Variants in TRANK1 observed in about 807,000 individuals in gnomAD.
TRANK1 encodes the protein TPR and ankyrin repeat-containing protein 1.
In TRANK1, 198 loss-of-function variants were observed where a neutral mutation model predicts 266.0. The observed-to-expected ratio is 0.74, with a 90% CI of 0.66 to 0.84. TRANK1 has a LOEUF of 0.84. TRANK1 is among the 40% of genes least tolerant of loss of function. The probability of loss-of-function intolerance (pLI) is 0.00; values close to 1 mark genes in which losing one functional copy is unlikely to be tolerated. For missense variants in TRANK1, 3,326 were observed against 3,634.6 expected (o/e 0.92, Z 2.18); for synonymous variants, 1,396 against 1,384.1 (o/e 1.01, Z -0.19).
At position 36,857,949 on chromosome 3, in the gene TRANK1, C is replaced by T. The variant is rs552221370; in HGVS notation, c.1773G>A (p.Gly591=). ...YLNPNVQDSN[G]NTLMHILFQK... is the part of the protein sequence containing the mutation. ...GGAAGAGGATGTGCATCAGCGTGTT[C>T]CCATTGCTGTCCTGGACATTGGGGT... The change falls in exon 13 of 24, where the codon GGG becomes GGA. Residue 591 remains glycine, a synonymous_variant. Coordinates refer to ENST00000645898, the MANE Select transcript of TRANK1 (RefSeq NM_001329998.2). This position sits in a 1 kb window ranked among gnomAD's most constrained non-coding sequence, Gnocchi z 4.3. The T allele has an allele frequency of 1.9e-6, 3 of 1,602,510 alleles. No individual in the cohort carries two copies. The East Asian group carries it at 6.7e-5, about 36-fold the overall frequency.
At chr3:36,830,179 G>A (rs943743347) in intron 22 of TRANK1, among the ~76,000 whole-genome samples, 10 of 152,250 alleles carry the variant, frequency 6.6e-5, no homozygotes, top group African/African-American at 1.9e-4. Context: ...GCTGTGCATG[G>A]TGATAGTCAC....
At chr3:36,867,422 A>C (rs1458221452) in intron 9 of TRANK1, among the ~76,000 whole-genome samples, 2 of 152,280 alleles carry the variant, frequency 1.3e-5, no homozygotes, top group Non-Finnish European at 2.9e-5. Context: ...TACATGGTTC[A>C]GACTTGTTAA....
intron 3 of TRANK1, among the ~76,000 whole-genome samples, chr3:36,899,796 T>C (rs1282317919): frequency 6.6e-6 from 1 of 152,216 alleles, no homozygotes; most frequent in Non-Finnish European, 1.5e-5. Flanking sequence ...GCATCTAACA[T>C]ATGACACAGA....
chr3:36,931,609 G>A (rs900888728), intron 1 of TRANK1, among the ~76,000 whole-genome samples: 5 of 152,170 alleles, frequency 3.3e-5, no homozygotes, highest in Non-Finnish European at 5.9e-5. Context: ...AGAGGCTGAG[G>A]CAGAAGGATC....
chr3:36,857,499 C>T lies in TRANK1; in HGVS notation c.2223G>A (p.Gln741=). 1 of 1,614,000 alleles carries T rather than the reference C, an allele frequency of 6.2e-7. No individual in the cohort carries two copies. Among genetic ancestry groups the T allele is most frequent in the African/African-American group, 1.3e-5 (1 of 75,064 alleles). Residue 741 remains glutamine, a synonymous_variant, in exon 13 of 24, where the codon CAG becomes CAA. Coordinates refer to ENST00000645898, the MANE Select transcript of TRANK1 (RefSeq NM_001329998.2). The surrounding 1 kb of genome is among the most constrained non-coding windows in gnomAD (Gnocchi z 4.3). The part of the protein sequence containing the change: ...CLMQDITVLI[Q]QVEVDPSFPE... Reference sequence around the variant, plus strand: ...GGAAAGACGGATCCACTTCAACCTGCTGAATCAAAACTGTGATGTCCTGCA... The same window carrying T: ...GGAAAGACGGATCCACTTCAACCTGTTGAATCAAAACTGTGATGTCCTGCA...
In TRANK1 at chr3:36,856,460, A is replaced by G; in HGVS notation, c.3262T>C (p.Tyr1088His). 6.2e-7 allele frequency: 1 copy of G among 1,613,926 alleles called. No individual in the cohort carries two copies. Among genetic ancestry groups the G allele is most frequent in the South Asian group, 1.1e-5 (1 of 91,082 alleles). Residue 1088 changes from tyrosine (Y) to histidine (H), a missense_variant, in exon 13 of 24, where the codon TAC becomes CAC. By Grantham distance (83) the Tyr-to-His change is moderately conservative (BLOSUM62 2). Transcript: ENST00000645898. ...SGTGKTTCCL[Y>H]RLWKKFHVYW... ...ACGTGGAATTTCTTCCACAATCTGT[A>G]CAAGCAGCAGGTTGTCTTCCCAGTG...
intron 21 of TRANK1, chr3:36,834,523 C>G (rs1372182644): frequency 2.2e-6 from 1 of 451,316 alleles, no homozygotes; most frequent in Non-Finnish European, 3.9e-6. Flanking sequence ...ATAACATACT[C>G]CCATCCCCCT....
chr3:36,937,076 G>A (rs977525508), intron 1 of TRANK1, among the ~76,000 whole-genome samples: 2 of 152,204 alleles, frequency 1.3e-5, no homozygotes, highest in African/African-American at 2.4e-5. Context: ...CAGCCTGGGT[G>A]ACAGAGCTAG....
Position 36,858,909 on chromosome 3 carries a change from A to T in TRANK1, c.1496-15T>A. 6.5e-6 allele frequency: 10 copies of T among 1,527,432 alleles called. No individual in the cohort carries two copies. Among genetic ancestry groups the T allele is most frequent in the Non-Finnish European group, 7.9e-6 (9 of 1,142,228 alleles). 94.6% of individuals were successfully genotyped at this position (1,527,432 alleles called of 1,614,324 possible). ...ATCAGGCAAGGCTGGGAGAGGAGAG[A>T]AGGGAAGCGCAATGTGAGCAGGCAC... is the stretch of plus-strand genomic sequence containing the variant. On this transcript the variant is annotated splice_polypyrimidine_tract_variant and intron_variant, in intron 11 of 23. Transcript: ENST00000645898.
rs1301850167 is a variant in TRANK1, at chr3:36,851,730, T to TA, written c.4875dup (p.Thr1626TyrfsTer2). The TA allele has an allele frequency of 6.8e-6, 11 of 1,611,914 alleles. No homozygotes were observed. Among genetic ancestry groups the TA allele is most frequent in the East Asian group, 2.2e-5 (1 of 44,846 alleles). ...TAGGTGTGACATACCTCAGAATCAG[T>TA]AAAAAAGTTGTAAAGGAGGACATCA... On this transcript the variant is annotated frameshift_variant, in exon 15 of 24. Coordinates refer to ENST00000645898, the MANE Select transcript of TRANK1 (RefSeq NM_001329998.2). LOFTEE classifies it high-confidence loss of function.
intron 1 of TRANK1, among the ~76,000 whole-genome samples, chr3:36,941,241 C>T (rs1486488209): frequency 4.6e-5 from 7 of 152,114 alleles, no homozygotes; most frequent in Non-Finnish European, 1.0e-4. Flanking sequence ...CTAGGAGGAC[C>T]CAGTGCTTAA....
intron 15 of TRANK1, chr3:36,850,678 G>A: frequency 2.2e-6 from 2 of 923,782 alleles, no homozygotes; most frequent in Non-Finnish European, 2.6e-6. Context: ...GGTTGGTGGA[G>A]TGAGACAATG....
chr3:36,886,383 T>C (rs961417252), intron 8 of TRANK1, among the ~76,000 whole-genome samples: 1 of 151,866 alleles, frequency 6.6e-6, no homozygotes, highest in South Asian at 2.1e-4. Flanking sequence ...AGTGCTAGGA[T>C]TACAGGCATG....
chr3:36,902,369 A>C (rs1411953918), intron 3 of TRANK1, among the ~76,000 whole-genome samples: 1 of 152,206 alleles, frequency 6.6e-6, no homozygotes, highest in African/African-American at 2.4e-5. Context: ...TCTAGCAGTC[A>C]CACATTATGT....
chr3:36,838,645 G>A lies in TRANK1; in HGVS notation c.5352C>T (p.Ala1784=). Residue 1784 remains alanine (A), a synonymous_variant, in exon 19 of 24, where the codon GCC becomes GCT. Transcript: ENST00000645898. ...KEKLALAHDT[A]LSMKSKKVSP... Reference sequence around the variant, plus strand: ...TGACTTTCTTGGATTTCATGCTCAGGGCAGTGTCATGGGCCAGGGCCAACT... The same window carrying A: ...TGACTTTCTTGGATTTCATGCTCAGAGCAGTGTCATGGGCCAGGGCCAACT... The A allele has an allele frequency of 6.2e-7, 1 of 1,613,904 alleles. No homozygotes were observed. Among genetic ancestry groups the A allele is most frequent in the African/African-American group, 1.3e-5 (1 of 75,042 alleles).
intron 1 of TRANK1, among the ~76,000 whole-genome samples, chr3:36,940,294 G>A (rs1009891692): frequency 2.0e-5 from 3 of 150,870 alleles, no homozygotes; most frequent in African/African-American, 7.3e-5. Flanking sequence ...TCAGGAGATC[G>A]AGACCATCCT....
rs550653453 is a variant in TRANK1 at position 36,872,560 on chromosome 3, A to T, written c.1078+1566T>A. On this transcript the variant is annotated intron_variant, in intron 9 of 23. Transcript: ENST00000645898. ...ATGAATAAGCTGCTATAGATAAGAA[A>T]CAATCAAAAGAGTTCTAGAAATTAA... Among the ~76,000 whole-genome samples, 18 of 152,352 alleles carry T rather than the reference A, an allele frequency of 1.2e-4. No homozygotes were observed. The South Asian group carries it at 3.5e-3, about 30-fold the overall frequency.
In TRANK1 at chr3:36,856,397, G is replaced by T. The variant is rs2079054604; in HGVS notation, c.3325C>A (p.Leu1109Met). 1.2e-6 allele frequency: 2 copies of T among 1,605,248 alleles called. No homozygotes were observed. The highest frequency in any genetic ancestry group is 1.3e-5 in the African/African-American group (1 of 74,856). The change falls in exon 13 of 24, where the codon CTG (leucine) becomes ATG (methionine). Residue 1109 changes from leucine (L) to methionine (M), a missense_variant. By Grantham distance (15) the Leu-to-Met change is conservative. Coordinates refer to ENST00000645898, the MANE Select transcript of TRANK1 (RefSeq NM_001329998.2). ...EKAEQAGSPL[L>M]AKQVWLKRRL... ...CTCTTCAGCCAGACCTGTTTGGCCA[G>T]CAATGGGCTTCCTGCCTGCTCAGCT...
chr3:36,837,224 C>T (rs1212472109), intron 20 of TRANK1, among the ~76,000 whole-genome samples: 2 of 152,208 alleles, frequency 1.3e-5, no homozygotes, highest in African/African-American at 4.8e-5. Flanking sequence ...TTCAGGGATT[C>T]CTGTGCCTTG....
Sources: gnomAD v4.1 joint callset for allele counts (sites outside exome capture counted in the v4.1 genomes callset) on GRCh38, gnomAD v4.1.1 for gene constraint, Gnocchi (gnomAD v3.1) non-coding constraint, MANE v1.5 for transcripts, NCBI Gene and HGNC (gene_info 2026-07-23, HGNC 2026-07-21) for gene names.